The following KIF5C variants were observed in gnomAD, a reference collection of about 807,000 sequenced individuals.
The protein encoded by KIF5C is kinesin heavy chain isoform 5C.
Under a neutral mutation model 125.2 loss-of-function variants are expected in KIF5C, and 18 were observed. The observed-to-expected ratio is 0.14, with a 90% CI of 0.10 to 0.21. The LOEUF (loss-of-function observed/expected upper bound fraction) is 0.21. Among genes scored for constraint, KIF5C ranks in the 10% least tolerant of loss-of-function variants. The pLI is 1.00. For missense variants in KIF5C, 780 were observed against 1,183.8 expected (o/e 0.66, Z 5.01); for synonymous variants, 405 against 434.0 (o/e 0.93, Z 0.83).
At chr2:148,926,567 C>T (rs1242319029) in intron 2 of KIF5C, among the ~76,000 whole-genome samples, 1 of 152,176 alleles carries the variant, frequency 6.6e-6, no homozygotes, top group Non-Finnish European at 1.5e-5. Flanking sequence ...GTGCGGAGCG[C>T]GGCCTGGCCT....
intron 1 of KIF5C, among the ~76,000 whole-genome samples, chr2:148,915,836 G>T (rs1350761353): frequency 6.6e-6 from 1 of 152,222 alleles, no homozygotes; most frequent in Admixed American, 6.5e-5. Flanking sequence ...GTTCCCACTA[G>T]GGGTAATGGG....
chr2:148,913,518 A>G (rs184050251), intron 1 of KIF5C, among the ~76,000 whole-genome samples: 3 of 152,376 alleles, frequency 2.0e-5, no homozygotes, highest in African/African-American at 4.8e-5. Flanking sequence ...TTGGCAGTAA[A>G]TATTTGCAGT....
chr2:148,877,164 C>T (rs1681217926), intron 1 of KIF5C: 1 of 152,238 alleles, frequency 6.6e-6, no homozygotes, highest in African/African-American at 2.4e-5. Context: ...TACCGTAAGG[C>T]GGGAGCTCTC....
intron 1 of KIF5C, among the ~76,000 whole-genome samples, chr2:148,899,644 G>A (rs1249901388): frequency 2.7e-5 from 4 of 150,288 alleles, no homozygotes; most frequent in Admixed American, 6.6e-5. Flanking sequence ...CAGAGGTTGC[G>A]GTGAGCCGAG....
chr2:148,995,928 G>A (rs1448392331), intron 17 of KIF5C, among the ~76,000 whole-genome samples: 5 of 152,050 alleles, frequency 3.3e-5, no homozygotes, highest in African/African-American at 7.2e-5. Flanking sequence ...AGGCTGAGGC[G>A]GGCGGATCAC....
At chr2:148,934,225 A>T (rs1263351518) in intron 3 of KIF5C, among the ~76,000 whole-genome samples, 2 of 151,156 alleles carry the variant, frequency 1.3e-5, no homozygotes, top group South Asian at 2.1e-4. Flanking sequence ...CATACATCAT[A>T]CATATACACA....
At chr2:148,898,653 G>A (rs771992363) in intron 1 of KIF5C, among the ~76,000 whole-genome samples, 3 of 152,162 alleles carry the variant, frequency 2.0e-5, no homozygotes, top group Non-Finnish European at 4.4e-5. Flanking sequence ...ACAGGCGGCC[G>A]CTAGAAGCTG....
chr2:149,008,595 G>A lies in KIF5C; in HGVS notation c.2550+528G>A, dbSNP rs565946816. On this transcript the variant is annotated intron_variant, in intron 23 of 25. Transcript: ENST00000435030. ...AGATGCTCTCTCGGATGCCTGCGAT[G>A]TGCTGGCATTTGTCTAGAGTGACAG... Among the ~76,000 whole-genome samples the A allele has an allele frequency of 3.3e-5, 5 of 152,318 alleles. No individual in the cohort carries two copies. In the South Asian group the frequency reaches 1.0e-3, roughly 32 times the overall value.
rs149292984 is a variant in KIF5C at position 148,998,411 on chromosome 2, G to A, written c.2112G>A (p.Glu704=). 2.6e-5 allele frequency: 40 copies of A among 1,562,606 alleles called. No individual in the cohort carries two copies. In the East Asian group the frequency reaches 9.5e-4, roughly 37 times the overall value. Residue 704 remains glutamate (E), a synonymous_variant, in exon 19 of 26, where the codon GAG becomes GAA. Transcript: ENST00000435030. ...QDAEEMKKAL[E]QQMESHREAH... is the part of the protein sequence containing the mutation. Reference sequence around the variant, plus strand: ...GGCCTGGGATGCAGAAGGCGCTGGAGCAGCAGATGGAGAGCCACCGGGAAG... The same window carrying A: ...GGCCTGGGATGCAGAAGGCGCTGGAACAGCAGATGGAGAGCCACCGGGAAG...
chr2:148,904,468 G>T (rs368362196), intron 1 of KIF5C, among the ~76,000 whole-genome samples: 1 of 152,290 alleles, frequency 6.6e-6, no homozygotes, highest in East Asian at 1.9e-4. Flanking sequence ...GCTGCGTTTG[G>T]CATGTAAACC....
rs986631748 is a variant in KIF5C at position 149,026,171 on chromosome 2, A to G, written c.*3101A>G. On this transcript the variant is annotated 3_prime_UTR_variant, in exon 26 of 26. Coordinates refer to ENST00000435030, the MANE Select transcript of KIF5C (RefSeq NM_004522.3). ...ACTCTAGCTATATGACATACTGGGA[A>G]AGGCAGAGGGTGGAGGGAAGATTTC... 3.3e-5 allele frequency: 5 copies of G among 152,540 alleles called. No homozygotes were observed. Among genetic ancestry groups the G allele is most frequent in the African/African-American group, 9.6e-5 (4 of 41,452 alleles). 9.4% of individuals were successfully genotyped at this position (152,540 alleles called of 1,614,324 possible).
In KIF5C at chr2:149,000,534, C is replaced by T. The variant is rs765858427; in HGVS notation, c.2312+10C>T. On this transcript the variant is annotated intron_variant, in intron 20 of 25. Transcript: ENST00000435030. ...AGCTGGAAAAGCTCTTGTGAGTGCA[C>T]TCTAAATATTTCCTCTATTTTCTCT... The T allele has an allele frequency of 3.2e-6, 5 of 1,552,968 alleles. No individual in the cohort carries two copies. The highest frequency in any genetic ancestry group is 1.2e-5 in the South Asian group (1 of 83,842).
At chr2:148,953,920 G>A (rs1294705510) in intron 10 of KIF5C, among the ~76,000 whole-genome samples, 1 of 152,050 alleles carries the variant, frequency 6.6e-6, no homozygotes, top group African/African-American at 2.4e-5. Flanking sequence ...TGGGATACAT[G>A]GGCAGAACAT....
intron 3 of KIF5C, among the ~76,000 whole-genome samples, chr2:148,937,018 G>C (rs1460213897): frequency 2.6e-5 from 4 of 152,148 alleles, no homozygotes; most frequent in African/African-American, 9.7e-5. Context: ...GTTTCCTTGA[G>C]TGGCAGCTGG....
chr2:149,006,082 C>T (rs1050526181), intron 22 of KIF5C, among the ~76,000 whole-genome samples: 1 of 152,234 alleles, frequency 6.6e-6, no homozygotes, highest in Non-Finnish European at 1.5e-5. Context: ...CCTCGTGCTA[C>T]AGCAGCAGTC....
rs953220540 is a variant in KIF5C at position 148,924,437 on chromosome 2, G to A, written c.217+2210G>A. Among the ~76,000 whole-genome samples, 7 of 152,028 alleles carry A rather than the reference G, an allele frequency of 4.6e-5. No homozygotes were observed. The highest frequency in any genetic ancestry group is 1.2e-4 in the African/African-American group (5 of 41,384). On this transcript the variant is annotated intron_variant, in intron 2 of 25. Coordinates refer to ENST00000435030, the MANE Select transcript of KIF5C (RefSeq NM_004522.3). This position sits in a 1 kb window ranked among gnomAD's most constrained non-coding sequence, Gnocchi z 4.0. ...GCATCTGGGAGGCTCCATTTAACTC[G>A]ATGGCTTTATTCTCTCTCTGGTTTT...
intron 15 of KIF5C, among the ~76,000 whole-genome samples, chr2:148,988,176 A>C (rs985941523): frequency 1.3e-5 from 2 of 151,874 alleles, no homozygotes; most frequent in Admixed American, 1.3e-4. Context: ...TTTAAATAAC[A>C]GTGTCCTGAA....
At chr2:148,957,495 A>T (rs181924464) in intron 10 of KIF5C, among the ~76,000 whole-genome samples, 65 of 150,382 alleles carry the variant, frequency 4.3e-4, no homozygotes, top group African/African-American at 1.4e-3. Context: ...ATATCCTTTT[A>T]CTCTTAGTCT....
chr2:148,956,316 G>A (rs139966836), intron 10 of KIF5C, among the ~76,000 whole-genome samples: 9 of 152,318 alleles, frequency 5.9e-5, no homozygotes, highest in African/African-American at 2.2e-4. Context: ...CAGAATGCTC[G>A]ACAATGGGGA....
Sources: gnomAD v4.1 joint callset for allele counts (sites outside exome capture counted in the v4.1 genomes callset) on GRCh38, gnomAD v4.1.1 for gene constraint, Gnocchi (gnomAD v3.1) non-coding constraint, MANE v1.5 for transcripts, NCBI Gene and HGNC (gene_info 2026-07-23, HGNC 2026-07-21) for gene names.